The following PRKAR1B variants were observed in gnomAD, a reference collection of about 807,000 sequenced individuals.
The protein encoded by PRKAR1B is protein kinase cAMP-dependent type I regulatory subunit beta, also known as cAMP-dependent protein kinase type I-beta regulatory subunit.
In PRKAR1B, 22 loss-of-function variants were observed where a neutral mutation model predicts 46.5. That is an observed-to-expected ratio of 0.47 (90% confidence interval 0.34 to 0.68). The LOEUF is 0.68. Ranked by LOEUF, PRKAR1B falls within the 30% of genes least tolerant of loss-of-function variation. PRKAR1B has a pLI of 0.01. For synonymous variants in PRKAR1B, 259 were observed against 217.7 expected (o/e 1.19, Z -1.67); for missense variants, 445 against 535.6 (o/e 0.83, Z 1.67).
chr7:656,999 G>A (rs946682764), intron 4 of PRKAR1B, among the ~76,000 whole-genome samples: 20 of 151,362 alleles, frequency 1.3e-4, no homozygotes, highest in African/African-American at 4.6e-4. Flanking sequence ...ATGAATGGAT[G>A]GATGGATGGA....
chr7:624,622 C>A (rs907180562), intron 4 of PRKAR1B, among the ~76,000 whole-genome samples: 3 of 151,988 alleles, frequency 2.0e-5, no homozygotes, highest in African/African-American at 7.3e-5. Context: ...GAATGGAACA[C>A]AAGGAGGTAT....
At chr7:583,658 G>A in intron 8 of PRKAR1B, among the ~76,000 whole-genome samples, 1 of 119,364 alleles carries the variant, frequency 8.4e-6, no homozygotes, top group African/African-American at 3.6e-5. Flanking sequence ...GCACACCCAT[G>A]CGCACACACC....
At chr7:561,132 AACAC>A (rs35193364) in intron 9 of PRKAR1B, among the ~76,000 whole-genome samples, 171 of 146,756 alleles carry the variant, frequency 1.2e-3, no homozygotes, top group African/African-American at 3.2e-3. Flanking sequence ...CAGGCACACA[AACAC>A]ACACACACAC....
intron 8 of PRKAR1B, among the ~76,000 whole-genome samples, chr7:579,922 C>T (rs1182270359): frequency 6.6e-6 from 1 of 151,808 alleles, no homozygotes; most frequent in Non-Finnish European, 1.5e-5. Context: ...CATAATGAGA[C>T]CCCATCTCTA....
At chr7:675,814 C>T (rs867404857) in intron 4 of PRKAR1B, among the ~76,000 whole-genome samples, 3 of 152,108 alleles carry the variant, frequency 2.0e-5, no homozygotes, top group Non-Finnish European at 2.9e-5. Context: ...GGCGTGGTGT[C>T]GGGATCCTGT....
chr7:721,043 T>A (rs1179551235), intron 1 of PRKAR1B, among the ~76,000 whole-genome samples: 2 of 152,232 alleles, frequency 1.3e-5, no homozygotes, highest in Admixed American at 6.5e-5. Flanking sequence ...AATTCCACGT[T>A]ATGTTTTTGA....
chr7:577,179 C>T (rs9330377), intron 9 of PRKAR1B, among the ~76,000 whole-genome samples: 147,914 of 151,626 alleles, frequency 0.98, 72,161 homozygotes, highest in East Asian at 1. Flanking sequence ...TCTGTTGTTT[C>T]GAACCAAGAC....
intron 9 of PRKAR1B, among the ~76,000 whole-genome samples, chr7:562,380 C>T (rs1778857720): frequency 6.6e-6 from 1 of 152,196 alleles, no homozygotes. Context: ...TCGCCTCCAG[C>T]TCCACAGGCC....
intron 4 of PRKAR1B, among the ~76,000 whole-genome samples, chr7:634,027 A>T (rs1225455774): frequency 6.6e-6 from 1 of 151,944 alleles, no homozygotes; most frequent in African/African-American, 2.4e-5. Context: ...AAAAATAAAT[A>T]AATTTTGTTT....
chr7:651,823 G>C (rs1391697251), intron 4 of PRKAR1B, among the ~76,000 whole-genome samples: 67 of 99,032 alleles, frequency 6.8e-4, no homozygotes, highest in African/African-American at 2.1e-3. Flanking sequence ...CCTCTCGGAA[G>C]ACAGTTCACA....
chr7:601,109 G>A (rs895698528), intron 6 of PRKAR1B, among the ~76,000 whole-genome samples: 1 of 152,224 alleles, frequency 6.6e-6, no homozygotes, highest in Non-Finnish European at 1.5e-5. Context: ...GCCAGGGCCA[G>A]GTCCTTGAGG....
intron 4 of PRKAR1B, among the ~76,000 whole-genome samples, chr7:641,424 A>T (rs1388911550): frequency 6.6e-6 from 1 of 152,190 alleles, no homozygotes; most frequent in East Asian, 1.9e-4. Context: ...CATTGTTCAT[A>T]ATAGCTCCGA....
intron 4 of PRKAR1B, among the ~76,000 whole-genome samples, chr7:627,568 T>G (rs1783478709): frequency 6.6e-6 from 1 of 152,048 alleles, no homozygotes; most frequent in South Asian, 2.1e-4. Context: ...CCCCAATCCA[T>G]CAGGACTGCA....
intron 1 of PRKAR1B, among the ~76,000 whole-genome samples, chr7:720,332 A>G (rs1413054272): frequency 6.6e-6 from 1 of 152,148 alleles, no homozygotes; most frequent in Non-Finnish European, 1.5e-5. Flanking sequence ...TGCTGGGATA[A>G]CAGGTGTGAG....
In PRKAR1B at chr7:667,415, C is replaced by T. The variant is rs1002735648; in HGVS notation, c.440+9814G>A. ...CTTCCAAAAGATGTTTTAAACACAC[C>T]TTAAATTCTGTGGTATCTGAGTGAG... On this transcript the variant is annotated intron_variant, in intron 4 of 10. Coordinates refer to ENST00000537384, the MANE Select transcript of PRKAR1B (RefSeq NM_001164760.2). The surrounding 1 kb of genome is among the most constrained non-coding windows in gnomAD (Gnocchi z 4.3). 3.9e-5 allele frequency among the ~76,000 whole-genome samples: 6 copies of T among 152,068 alleles called. No individual in the cohort carries two copies. The highest frequency in any genetic ancestry group is 1.4e-4 in the African/African-American group (6 of 41,394).
chr7:576,895 C>T (rs139937905), intron 9 of PRKAR1B, among the ~76,000 whole-genome samples: 52 of 152,254 alleles, frequency 3.4e-4, no homozygotes, highest in African/African-American at 9.6e-4. Context: ...ACTTCCTTCC[C>T]GCAGGCTCTT....
chr7:629,248 C>T (rs1783591498), intron 4 of PRKAR1B, among the ~76,000 whole-genome samples: 1 of 152,252 alleles, frequency 6.6e-6, no homozygotes, highest in South Asian at 2.1e-4. Flanking sequence ...AGCGCGAGGG[C>T]TGGAAAATGC....
rs1489103860 is a variant in PRKAR1B, at chr7:644,211, C to G, written c.440+33018G>C. ...GACAGGCGGGATGTTCAACCTGCGT[C>G]AGGATGAACCCTCATATTATAGAAT... On this transcript the variant is annotated intron_variant, in intron 4 of 10. Coordinates refer to ENST00000537384, the MANE Select transcript of PRKAR1B (RefSeq NM_001164760.2). This position sits in a 1 kb window ranked among gnomAD's most constrained non-coding sequence, Gnocchi z 4.9. Among the ~76,000 whole-genome samples, 1 of 152,148 alleles carries G rather than the reference C, an allele frequency of 6.6e-6. No homozygotes were observed. The highest frequency in any genetic ancestry group is 1.5e-5 in the Non-Finnish European group (1 of 68,024).
At chr7:687,644 C>T (rs1463335578) in intron 2 of PRKAR1B, among the ~76,000 whole-genome samples, 1 of 152,090 alleles carries the variant, frequency 6.6e-6, no homozygotes, top group East Asian at 1.9e-4. Context: ...GCAGAAGCAA[C>T]GTTTGAAGAG....
Sources: allele counts gnomAD v4.1 joint callset (sites outside exome capture counted in the v4.1 genomes callset), GRCh38; gene constraint gnomAD v4.1.1; non-coding constraint Gnocchi (gnomAD v3.1); transcripts MANE v1.5; gene names NCBI Gene and HGNC (gene_info 2026-07-23, HGNC 2026-07-21).